B4GALT6: variants seen among roughly 807,000 people sequenced by gnomAD.
B4GALT6 encodes the protein UDP-Gal:beta-GlcNAc beta-1,4-galactosyltransferase 6.
Under a neutral mutation model 46.3 loss-of-function variants are expected in B4GALT6, and 14 were observed. That is an observed-to-expected ratio of 0.30 (90% CI 0.20 to 0.47). The LOEUF is 0.47. Ranked by LOEUF, B4GALT6 falls within the 20% of genes least tolerant of loss-of-function variation. The pLI, the probability that B4GALT6 is intolerant of heterozygous loss-of-function variation, is 0.99. For missense variants in B4GALT6, 386 were observed against 480.1 expected, an observed-to-expected ratio of 0.80 and a Z score of 1.83; for synonymous variants, 168 against 162.0, an observed-to-expected ratio of 1.04 and a Z score of -0.28.
At chr18:31,704,378 T>C in the B4GALT6 span, among the ~76,000 whole-genome samples, 1 of 151,898 alleles carries the variant, frequency 6.6e-6, no homozygotes, top group African/African-American at 2.4e-5. Context: ...CCAACTAATT[T>C]ATTTTTGTAT....
rs869030382 is a variant in B4GALT6 at position 31,629,447 on chromosome 18, A to ATTTTTTTTTTTTTTTTTTTTTTTT, written c.776+1488_776+1511dup. On this transcript the variant is annotated intron_variant, in intron 6 of 8. Transcript: ENST00000306851. ...ATTCTTAGTTTATATGCCCTTTATG[A>ATTTTTTTTTTTTTTTTTTTTTTTT]TTTTTTTTTTTTTTTTTTTTTTTTT... Among the ~76,000 whole-genome samples the ATTTTTTTTTTTTTTTTTTTTTTTT allele has an allele frequency of 9.1e-5, 3 of 32,838 alleles. 1 individual carries two copies. The highest frequency in any genetic ancestry group is 1.9e-4 in the African/African-American group (2 of 10,714). The allele number at this position is 32,838 out of a possible 152,430, so 21.5% of individuals were successfully genotyped here.
the B4GALT6 span, among the ~76,000 whole-genome samples, chr18:31,715,036 T>C: frequency 6.6e-6 from 1 of 152,200 alleles, no homozygotes; most frequent in South Asian, 2.1e-4. Flanking sequence ...TGCTATGCAA[T>C]GTGTATTTTA....
Position 31,669,386 on chromosome 18 carries a change from CTTTTAT to C in B4GALT6, c.116-3020_116-3015del, listed in dbSNP as rs577675208. ...TATTTGCTGCCAGAGCAAGCACTCC[CTTTTAT>C]TTTTATAAGACTTGTCATATTTGTG... On this transcript the variant is annotated intron_variant, in intron 1 of 8. Coordinates refer to ENST00000306851, the MANE Select transcript of B4GALT6 (RefSeq NM_004775.5). 7.6e-4 allele frequency among the ~76,000 whole-genome samples: 115 copies of C among 152,282 alleles called. 1 individual carries two copies. In the South Asian group the frequency reaches 0.021, roughly 28 times the overall value.
At chr18:31,637,267 C>CT (rs397794797) in intron 5 of B4GALT6, among the ~76,000 whole-genome samples, 91,681 of 152,102 alleles carry the variant, frequency 0.6, 30,247 homozygotes, top group African/African-American at 0.9. Flanking sequence ...AACGAATAAG[C>CT]TTTTTTGACA....
rs869030382 is a variant in B4GALT6 at position 31,629,447 on chromosome 18, A to ATTTTTTTTTTTTTTTTTT, written c.776+1494_776+1511dup. On this transcript the variant is annotated intron_variant, in intron 6 of 8. Transcript: ENST00000306851. The stretch of plus-strand genomic sequence containing the variant: ...ATTCTTAGTTTATATGCCCTTTATG[A>ATTTTTTTTTTTTTTTTTT]TTTTTTTTTTTTTTTTTTTTTTTTT... Among the ~76,000 whole-genome samples, 12 of 32,884 alleles carry ATTTTTTTTTTTTTTTTTT rather than the reference A, an allele frequency of 3.6e-4. 1 individual carries two copies. The highest frequency in any genetic ancestry group is 5.5e-4 in the Admixed American group (1 of 1,806). The allele number at this position is 32,884 out of a possible 152,430, so 21.6% of individuals were successfully genotyped here.
chr18:31,665,584 A>T (rs933137032), intron 2 of B4GALT6, among the ~76,000 whole-genome samples: 9 of 151,720 alleles, frequency 5.9e-5, no homozygotes, highest in Middle Eastern at 3.4e-3. Context: ...TCAAAAATTT[A>T]AAAAAAAATT....
At chr18:31,700,592 G>A in the B4GALT6 span, among the ~76,000 whole-genome samples, 1 of 152,042 alleles carries the variant, frequency 6.6e-6, no homozygotes, top group East Asian at 1.9e-4. Context: ...AAGTAGCTGG[G>A]ACTACAGGTG....
upstream of B4GALT6, chr18:31,684,673 G>A (rs2074523315): frequency 4.7e-6 from 5 of 1,061,360 alleles, no homozygotes; most frequent in Non-Finnish European, 5.8e-6. Flanking sequence ...GGAGGGGGGA[G>A]AGGGGACTGG....
At chr18:31,694,138 G>C in the B4GALT6 span, among the ~76,000 whole-genome samples, 1 of 152,190 alleles carries the variant, frequency 6.6e-6, no homozygotes, top group Admixed American at 6.5e-5. Context: ...CATGGCAAGA[G>C]ACAATACCCT....
At chr18:31,724,574 C>A in the B4GALT6 span, 294 of 1,054,408 alleles carry the variant, frequency 2.8e-4, no homozygotes, top group South Asian at 9.0e-3. Context: ...TGGTTCCATT[C>A]TTGGACACGG....
chr18:31,634,392 G>C (rs1281378240), intron 5 of B4GALT6, among the ~76,000 whole-genome samples: 2 of 152,204 alleles, frequency 1.3e-5, no homozygotes, highest in Non-Finnish European at 2.9e-5. Context: ...TTACTTTAGT[G>C]CAGTGCTTCA....
rs546064737 is a variant in B4GALT6 at position 31,681,122 on chromosome 18, T to C, written c.115+3190A>G. Among the ~76,000 whole-genome samples the C allele has an allele frequency of 7.3e-5, 9 of 122,838 alleles. No homozygotes were observed. The South Asian group carries it at 2.2e-3, about 30-fold the overall frequency. 80.6% of individuals were successfully genotyped at this position (122,838 alleles called of 152,430 possible). ...GTCATCTATCTTCCATACCTCAATG[T>C]CCAGCCTCTCTTGGGTGCACAACTC... On this transcript the variant is annotated intron_variant, in intron 1 of 8. Transcript: ENST00000306851.
chr18:31,688,750 G>A (rs748501344), upstream of B4GALT6, among the ~76,000 whole-genome samples: 1 of 152,160 alleles, frequency 6.6e-6, no homozygotes, highest in Non-Finnish European at 1.5e-5. Flanking sequence ...AGATGAGGAA[G>A]CCAAAGCTCG....
intron 3 of B4GALT6, among the ~76,000 whole-genome samples, chr18:31,647,438 A>ATC (rs1209395028): frequency 6.6e-6 from 1 of 152,130 alleles, no homozygotes; most frequent in Non-Finnish European, 1.5e-5. Context: ...TGCCTGAGGT[A>ATC]TCCTAAGTTC....
At chr18:31,642,143 G>A (rs987689782) in intron 4 of B4GALT6, among the ~76,000 whole-genome samples, 1 of 152,122 alleles carries the variant, frequency 6.6e-6, no homozygotes, top group African/African-American at 2.4e-5. Flanking sequence ...CCCACCAATA[G>A]AATCAGAATG....
chr18:31,627,490 A>G (rs1324842962), intron 6 of B4GALT6, among the ~76,000 whole-genome samples: 2 of 152,128 alleles, frequency 1.3e-5, no homozygotes, highest in Non-Finnish European at 2.9e-5. Flanking sequence ...AGATGTTCCT[A>G]AACTAGTAAC....
At chr18:31,721,602 C>T in the B4GALT6 span, among the ~76,000 whole-genome samples, 1 of 152,276 alleles carries the variant, frequency 6.6e-6, no homozygotes, top group Middle Eastern at 3.4e-3. Flanking sequence ...AAGCAGGCTA[C>T]CCTTGATAAT....
At chr18:31,663,933 C>A (rs979356902) in intron 2 of B4GALT6, among the ~76,000 whole-genome samples, 3 of 152,226 alleles carry the variant, frequency 2.0e-5, no homozygotes, top group Non-Finnish European at 4.4e-5. Context: ...AAACTCCATT[C>A]TTCCCTTTCC....
At chr18:31,630,006 G>A in intron 6 of B4GALT6, among the ~76,000 whole-genome samples, 1 of 146,910 alleles carries the variant, frequency 6.8e-6, no homozygotes, top group East Asian at 2.0e-4. Flanking sequence ...AGGAGGAGAA[G>A]GATGAGGTGG....
Sources: allele counts gnomAD v4.1 joint callset (sites outside exome capture counted in the v4.1 genomes callset), GRCh38; gene constraint gnomAD v4.1.1; transcripts MANE v1.5; gene names NCBI Gene and HGNC (gene_info 2026-07-23, HGNC 2026-07-21).